ALG14: variants seen among roughly 807,000 people sequenced by gnomAD.
ALG14 encodes ALG14 UDP-N-acetylglucosaminyltransferase subunit.
ALG14 carries 17 observed loss-of-function variants against 22.8 expected under a neutral mutation model. That is an observed-to-expected ratio of 0.75 (90% CI 0.51 to 1.12). The LOEUF (loss-of-function observed/expected upper bound fraction) is 1.12, where lower values mean the gene tolerates loss of function less well. Among genes scored for constraint, ALG14 ranks in the 50% most tolerant of loss-of-function variants. The pLI is 0.00. For synonymous variants in ALG14, 89 were observed against 103.7 expected (o/e 0.86, Z 0.86); for missense variants, 288 against 271.8 (o/e 1.06, Z -0.42).
At chr1:95,018,896 A>G (rs1188563657) in intron 3 of ALG14, among the ~76,000 whole-genome samples, 1 of 152,254 alleles carries the variant, frequency 6.6e-6, no homozygotes, top group Non-Finnish European at 1.5e-5. Context: ...AGGTTTATCT[A>G]CAAAATACTG....
At chr1:95,005,294 TG>T (rs1673186243) in intron 3 of ALG14, among the ~76,000 whole-genome samples, 1 of 152,108 alleles carries the variant, frequency 6.6e-6, no homozygotes, top group African/African-American at 2.4e-5. Context: ...TATTTGAAGA[TG>T]GGGAGCCTGG....
intron 2 of ALG14, among the ~76,000 whole-genome samples, chr1:95,056,855 G>A (rs1000996706): frequency 8.6e-5 from 13 of 150,818 alleles, no homozygotes; most frequent in Admixed American, 2.6e-4. Flanking sequence ...TCAGGAGTTC[G>A]AGACCAGCCT....
At chr1:94,987,668 C>T (rs1476914181) in intron 3 of ALG14, among the ~76,000 whole-genome samples, 1 of 152,080 alleles carries the variant, frequency 6.6e-6, no homozygotes, top group Non-Finnish European at 1.5e-5. Flanking sequence ...TCAGGAAACT[C>T]ATGGATAAGA....
intron 3 of ALG14, among the ~76,000 whole-genome samples, chr1:95,000,513 G>A (rs755575855): frequency 2.3e-4 from 30 of 131,330 alleles, no homozygotes; most frequent in Non-Finnish European, 3.9e-4. Context: ...TCCAGCCTGC[G>A]TAACAGAGCA....
rs560683935 is a variant in ALG14, at chr1:95,039,013, C to T, written c.289-11753G>A. On this transcript the variant is annotated intron_variant, in intron 2 of 3. Coordinates refer to ENST00000370205, the MANE Select transcript of ALG14 (RefSeq NM_144988.4). ...TTGGGATTACAGGCGTGAGCCACCACGCCCAGCCAATACATTATTCTTTGA... is the reference window on the plus strand; with the variant it reads ...TTGGGATTACAGGCGTGAGCCACCATGCCCAGCCAATACATTATTCTTTGA... Among the ~76,000 whole-genome samples the T allele has an allele frequency of 7.2e-5, 11 of 152,296 alleles. No homozygotes were observed. In the East Asian group the frequency reaches 9.7e-4, roughly 13 times the overall value.
intron 3 of ALG14, among the ~76,000 whole-genome samples, chr1:95,006,181 A>G (rs1571597289): frequency 6.6e-6 from 1 of 152,322 alleles, no homozygotes; most frequent in African/African-American, 2.4e-5. Context: ...TGGTAATTCT[A>G]TATTCAGAAT....
chr1:94,989,650 A>G (rs919986732), intron 3 of ALG14, among the ~76,000 whole-genome samples: 24 of 152,254 alleles, frequency 1.6e-4, no homozygotes, highest in African/African-American at 5.8e-4. Context: ...GTCCAGCAAC[A>G]GTAGCAGCAG....
rs1672438113 is a variant in ALG14 at position 94,978,514 on chromosome 1, A to G, written c.*4562T>C. On this transcript the variant is annotated 3_prime_UTR_variant, in exon 4 of 4. Coordinates refer to ENST00000370205, the MANE Select transcript of ALG14 (RefSeq NM_144988.4). ...CAATAGCATTCATTATTCCTTCCAC[A>G]GGTGTTTCTAAGAACAAGGACTGCA... is the stretch of plus-strand genomic sequence containing the variant. 2 of 152,220 alleles carry G rather than the reference A, an allele frequency of 1.3e-5. No individual in the cohort carries two copies. The highest frequency in any genetic ancestry group is 4.8e-5 in the African/African-American group (2 of 41,460). The allele number at this position is 152,220 out of a possible 1,614,324, so 9.4% of individuals were successfully genotyped here. A position where few individuals can be genotyped will look rare whatever the true frequency, so the allele number is the denominator to read the frequency against.
intron 3 of ALG14, among the ~76,000 whole-genome samples, chr1:95,023,025 A>G (rs1197534350): frequency 3.9e-5 from 6 of 152,178 alleles, no homozygotes; most frequent in African/African-American, 1.4e-4. Flanking sequence ...CTATACAAAC[A>G]GTGATAATCT....
At chr1:95,015,348 G>A (rs915621189) in intron 3 of ALG14, among the ~76,000 whole-genome samples, 6 of 152,150 alleles carry the variant, frequency 3.9e-5, no homozygotes, top group Non-Finnish European at 2.9e-5. Flanking sequence ...AAGCTCCACA[G>A]GGATAATAAA....
intron 3 of ALG14, among the ~76,000 whole-genome samples, chr1:95,012,904 G>A (rs1673406113): frequency 6.6e-6 from 1 of 152,050 alleles, no homozygotes. Context: ...AGGCCGATGA[G>A]GGCGAATCAC....
At chr1:95,017,188 A>T (rs996138140) in intron 3 of ALG14, among the ~76,000 whole-genome samples, 1 of 152,276 alleles carries the variant, frequency 6.6e-6, no homozygotes, top group African/African-American at 2.4e-5. Flanking sequence ...ATTGAAGCAG[A>T]CAAAAGGCAT....
intron 3 of ALG14, among the ~76,000 whole-genome samples, chr1:94,987,492 G>A (rs903373946): frequency 1.3e-5 from 2 of 152,128 alleles, no homozygotes; most frequent in Non-Finnish European, 2.9e-5. Flanking sequence ...TTTAGAAAAC[G>A]GAAAGAGGAC....
At chr1:95,007,488 C>A (rs1379417717) in intron 3 of ALG14, among the ~76,000 whole-genome samples, 2 of 152,142 alleles carry the variant, frequency 1.3e-5, no homozygotes, top group Non-Finnish European at 2.9e-5. Context: ...ATCTGGAAAA[C>A]CTCTGCATTC....
chr1:95,046,268 G>C (rs537101029), intron 2 of ALG14, among the ~76,000 whole-genome samples: 73 of 152,258 alleles, frequency 4.8e-4, no homozygotes, highest in Non-Finnish European at 5.3e-4. Context: ...TCTGTGGCCT[G>C]TTAGGAACCG....
intron 3 of ALG14, among the ~76,000 whole-genome samples, chr1:95,021,266 T>G (rs1673652924): frequency 6.6e-6 from 1 of 152,204 alleles, no homozygotes; most frequent in Non-Finnish European, 1.5e-5. Context: ...TTTATTGAAC[T>G]CCTACATGCC....
At chr1:95,045,161 C>G (rs144999673) in intron 2 of ALG14, among the ~76,000 whole-genome samples, 101 of 152,256 alleles carry the variant, frequency 6.6e-4, no homozygotes, top group African/African-American at 2.4e-3. Flanking sequence ...TGGCTTGAAT[C>G]TGATACTTTT....
chr1:95,059,075 T>C lies in ALG14; in HGVS notation c.288+5791A>G, dbSNP rs147372907. Among the ~76,000 whole-genome samples the C allele has an allele frequency of 9.2e-3, 1,401 of 152,096 alleles. 16 individuals are homozygous for C. The highest frequency in any genetic ancestry group is 0.015 in the Non-Finnish European group (988 of 68,018). Reference sequence around the variant, plus strand: ...TTTGTTTTAATTTCCAAGGAATCTTTCTTGTTTTAACATTGCTTCCCTTAT... The same window carrying C: ...TTTGTTTTAATTTCCAAGGAATCTTCCTTGTTTTAACATTGCTTCCCTTAT... On this transcript the variant is annotated intron_variant, in intron 2 of 3. Coordinates refer to ENST00000370205, the MANE Select transcript of ALG14 (RefSeq NM_144988.4).
chr1:95,001,652 T>C (rs1673073054), intron 3 of ALG14, among the ~76,000 whole-genome samples: 1 of 152,098 alleles, frequency 6.6e-6, no homozygotes, highest in East Asian at 1.9e-4. Flanking sequence ...TGCACCACCA[T>C]GTCTGGCTAA....
Sources: allele counts gnomAD v4.1 joint callset (sites outside exome capture counted in the v4.1 genomes callset), GRCh38; gene constraint gnomAD v4.1.1; transcripts MANE v1.5; gene names NCBI Gene and HGNC (gene_info 2026-07-23, HGNC 2026-07-21).